The following CNTNAP2 variants were observed in gnomAD, a reference collection of about 807,000 sequenced individuals.
CNTNAP2 encodes contactin-associated protein-like 2.
Under a neutral mutation model 155.2 loss-of-function variants are expected in CNTNAP2, and 98 were observed. That is an observed-to-expected ratio of 0.63 (90% CI 0.54 to 0.75). The LOEUF (loss-of-function observed/expected upper bound fraction) is 0.75, where lower values mean the gene tolerates loss of function less well. Ranked by LOEUF, CNTNAP2 falls within the 30% of genes least tolerant of loss-of-function variation. CNTNAP2 has a pLI of 0.00. For synonymous variants in CNTNAP2, 651 were observed against 631.2 expected (o/e 1.03, Z -0.47); for missense variants, 1,727 against 1,688.1 (o/e 1.02, Z -0.40).
intron 2 of CNTNAP2, among the ~76,000 whole-genome samples, chr7:146,817,470 CAA>C (rs35732528): frequency 1.6e-4 from 22 of 135,702 alleles, no homozygotes; most frequent in African/African-American, 2.9e-4. Context: ...GAAACTCCAT[CAA>C]AAAAAAAAAA....
At chr7:146,129,844 A>G (rs745889522) in intron 1 of CNTNAP2, among the ~76,000 whole-genome samples, 3 of 152,200 alleles carry the variant, frequency 2.0e-5, no homozygotes, top group Non-Finnish European at 4.4e-5. Context: ...CAACATAGAA[A>G]TTAAAATTAT....
At chr7:146,242,027 T>C (rs1386764751) in intron 1 of CNTNAP2, among the ~76,000 whole-genome samples, 1 of 152,210 alleles carries the variant, frequency 6.6e-6, no homozygotes, top group Non-Finnish European at 1.5e-5. Flanking sequence ...CTTCTTCACA[T>C]GTCAATTTCT....
intron 1 of CNTNAP2, among the ~76,000 whole-genome samples, chr7:146,529,590 A>G (rs980540110): frequency 6.6e-6 from 1 of 152,196 alleles, no homozygotes; most frequent in African/African-American, 2.4e-5. Context: ...TTTATGGATT[A>G]GCTTTTAGTG....
chr7:146,546,711 A>G (rs1798034378), intron 1 of CNTNAP2, among the ~76,000 whole-genome samples: 1 of 151,898 alleles, frequency 6.6e-6, no homozygotes, highest in Non-Finnish European at 1.5e-5. Flanking sequence ...CCTCACAATC[A>G]TGGTAGAAGG....
At chr7:147,478,943 G>A (rs1477511926) in intron 10 of CNTNAP2, among the ~76,000 whole-genome samples, 1 of 152,204 alleles carries the variant, frequency 6.6e-6, no homozygotes, top group Non-Finnish European at 1.5e-5. Context: ...CCTTCTAAAA[G>A]GCACAGGCCA....
chr7:146,941,008 G>A (rs540665406), intron 3 of CNTNAP2, among the ~76,000 whole-genome samples: 2 of 152,012 alleles, frequency 1.3e-5, no homozygotes, highest in African/African-American at 4.8e-5. Context: ...CTATTTGCAT[G>A]AGACATCTTT....
chr7:147,492,211 C>T (rs1798621324), intron 11 of CNTNAP2, among the ~76,000 whole-genome samples: 1 of 152,140 alleles, frequency 6.6e-6, no homozygotes, highest in Non-Finnish European at 1.5e-5. Flanking sequence ...ATAAGGAGTG[C>T]ACAACCTCGA....
At chr7:147,878,277 A>T (rs1332437079) in intron 13 of CNTNAP2, among the ~76,000 whole-genome samples, 1 of 152,096 alleles carries the variant, frequency 6.6e-6, no homozygotes, top group East Asian at 1.9e-4. Context: ...AATGATGATG[A>T]TGATGATAGT....
chr7:146,273,655 A>C (rs988917267), intron 1 of CNTNAP2, among the ~76,000 whole-genome samples: 1 of 152,200 alleles, frequency 6.6e-6, no homozygotes, highest in Non-Finnish European at 1.5e-5. Flanking sequence ...TTTTAAGCTC[A>C]TGCCTGATTA....
chr7:147,935,095 T>C (rs988404768), intron 14 of CNTNAP2, among the ~76,000 whole-genome samples: 1 of 124,024 alleles, frequency 8.1e-6, no homozygotes, highest in Non-Finnish European at 1.9e-5. Context: ...AAGTTTTTTG[T>C]TTTTTTTTTT....
rs529633709 is a variant in CNTNAP2, at chr7:147,104,283, T to C, written c.551-3864T>C. ...CAATTTTTATTGAAGAAGTTGGACA[T>C]TTAACTAATGGTACATTTTTAGCTA... On this transcript the variant is annotated intron_variant, in intron 4 of 23. Transcript: ENST00000361727. Among the ~76,000 whole-genome samples, 229 of 152,144 alleles carry C rather than the reference T, an allele frequency of 1.5e-3. 2 individuals are homozygous for C. The highest frequency in any genetic ancestry group is 5.1e-3 in the African/African-American group (214 of 41,556).
chr7:146,940,736 TAC>T (rs1260123503), intron 3 of CNTNAP2, among the ~76,000 whole-genome samples: 1 of 151,728 alleles, frequency 6.6e-6, no homozygotes, highest in Non-Finnish European at 1.5e-5. Flanking sequence ...TGTATATATA[TAC>T]ACACACACTG....
Position 146,443,619 on chromosome 7 carries a change from G to A in CNTNAP2, c.97+326646G>A, listed in dbSNP as rs114878905. Among the ~76,000 whole-genome samples the A allele has an allele frequency of 4.9e-3, 753 of 152,288 alleles. 8 individuals carry two copies. Among genetic ancestry groups the A allele is most frequent in the African/African-American group, 0.017 (702 of 41,554 alleles). Reference sequence around the variant, plus strand: ...TTAGTGACCACAGTGTCGTCATTTTGTAACAAAGGCTATTTGGAAAATTAC... The same window carrying A: ...TTAGTGACCACAGTGTCGTCATTTTATAACAAAGGCTATTTGGAAAATTAC... On this transcript the variant is annotated intron_variant, in intron 1 of 23. Transcript: ENST00000361727.
At chr7:147,825,010 A>G (rs983672837) in intron 13 of CNTNAP2, among the ~76,000 whole-genome samples, 6 of 152,336 alleles carry the variant, frequency 3.9e-5, no homozygotes, top group African/African-American at 1.4e-4. Flanking sequence ...AGGTACTGGT[A>G]AATTTACTTG....
At chr7:146,250,706 G>A (rs1163335809) in intron 1 of CNTNAP2, among the ~76,000 whole-genome samples, 1 of 152,166 alleles carries the variant, frequency 6.6e-6, no homozygotes, top group Non-Finnish European at 1.5e-5. Flanking sequence ...ATGGGAGCTG[G>A]TGCCATAGAA....
At chr7:146,962,000 A>G (rs559672888) in intron 3 of CNTNAP2, among the ~76,000 whole-genome samples, 1 of 152,306 alleles carries the variant, frequency 6.6e-6, no homozygotes, top group South Asian at 2.1e-4. Context: ...CTTAAAACAT[A>G]GAAAATGATA....
chr7:147,939,351 T>C (rs1563141683), intron 14 of CNTNAP2, among the ~76,000 whole-genome samples: 1 of 152,112 alleles, frequency 6.6e-6, no homozygotes, highest in Non-Finnish European at 1.5e-5. Context: ...ATTTTATTTT[T>C]TTTGAGACAG....
intron 1 of CNTNAP2, among the ~76,000 whole-genome samples, chr7:146,574,469 G>A (rs539423019): frequency 2.0e-5 from 3 of 152,308 alleles, no homozygotes; most frequent in Admixed American, 2.0e-4. Context: ...TTGGGAGGCT[G>A]AGGTGGGTGA....
intron 8 of CNTNAP2, among the ~76,000 whole-genome samples, chr7:147,135,782 T>TAA (rs58906795): frequency 0.011 from 1,585 of 141,320 alleles, 20 homozygotes; most frequent in African/African-American, 0.038. Context: ...GCTTTATTCT[T>TAA]AAAAAAAAAA....
Sources: gnomAD v4.1 joint callset for allele counts (sites outside exome capture counted in the v4.1 genomes callset) on GRCh38, gnomAD v4.1.1 for gene constraint, MANE v1.5 for transcripts, NCBI Gene and HGNC (gene_info 2026-07-23, HGNC 2026-07-21) for gene names.